The following TRAPPC8 variants were observed in gnomAD, a reference collection of about 807,000 sequenced individuals.
The protein encoded by TRAPPC8 is trafficking protein particle complex subunit 8.
TRAPPC8 carries 54 observed loss-of-function variants against 174.3 expected under a neutral mutation model. The observed-to-expected ratio is 0.31, with a 90% CI of 0.25 to 0.39. The LOEUF (loss-of-function observed/expected upper bound fraction) is 0.39, where lower values mean the gene tolerates loss of function less well. Ranked by LOEUF, TRAPPC8 falls within the 10% of genes least tolerant of loss-of-function variation. TRAPPC8 has a pLI of 1.00. For missense variants in TRAPPC8, 1,531 were observed against 1,699.1 expected, an observed-to-expected ratio of 0.90 and a Z score of 1.74; for synonymous variants, 630 against 579.9, an observed-to-expected ratio of 1.09 and a Z score of -1.24.
At chr18:31,941,505 A>G (rs1315967249) in intron 1 of TRAPPC8, among the ~76,000 whole-genome samples, 1 of 152,202 alleles carries the variant, frequency 6.6e-6, no homozygotes, top group African/African-American at 2.4e-5. Context: ...GTTGCTCTTA[A>G]GTCCAACACT....
rs192692125 is a variant in TRAPPC8, at chr18:31,903,282, C to T, written c.1390-2257G>A. On this transcript the variant is annotated intron_variant, in intron 9 of 28. Transcript: ENST00000283351. The stretch of plus-strand genomic sequence containing the variant: ...ACGACAAGAATGATTTAGGGTTGTA[C>T]TTTCAGAAGAATTATCTACGACAGT... Among the ~76,000 whole-genome samples, 479 of 152,198 alleles carry T rather than the reference C, an allele frequency of 3.1e-3. 2 individuals carry two copies. Among genetic ancestry groups the T allele is most frequent in the African/African-American group, 8.8e-3 (366 of 41,520 alleles).
At chr18:31,864,911 GA>G in intron 18 of TRAPPC8, 130 bp from the exon 19 acceptor site, 2 of 799,332 alleles carry the variant, frequency 2.5e-6, no homozygotes, top group Non-Finnish European at 3.8e-6. Context: ...TGATTAACAT[GA>G]TTAATCAAAG....
chr18:31,877,086 A>AG (rs1347581260), intron 12 of TRAPPC8, among the ~76,000 whole-genome samples: 1 of 152,168 alleles, frequency 6.6e-6, no homozygotes. Flanking sequence ...CCCTAGGGGA[A>AG]GGGGGGACAG....
intron 1 of TRAPPC8, among the ~76,000 whole-genome samples, chr18:31,932,438 A>C (rs150804673): frequency 0.06 from 9,010 of 151,370 alleles, 269 homozygotes; most frequent in Middle Eastern, 0.11. Flanking sequence ...AAAAAAAAAA[A>C]AACAACAACA....
intron 11 of TRAPPC8, among the ~76,000 whole-genome samples, chr18:31,892,161 G>C (rs192394144): frequency 2.0e-5 from 3 of 152,194 alleles, no homozygotes; most frequent in East Asian, 3.9e-4. Flanking sequence ...ATACATGTTT[G>C]AAGAAAAAAG....
intron 12 of TRAPPC8, among the ~76,000 whole-genome samples, chr18:31,877,018 A>G (rs952447281): frequency 1.3e-5 from 2 of 152,222 alleles, no homozygotes; most frequent in Non-Finnish European, 2.9e-5. Flanking sequence ...TTAGGAGACC[A>G]GTGGGTCCCC....
chr18:31,863,836 T>A (rs148684872), intron 19 of TRAPPC8, among the ~76,000 whole-genome samples: 1 of 151,978 alleles, frequency 6.6e-6, no homozygotes, highest in Non-Finnish European at 1.5e-5. Flanking sequence ...AACTTGAAAT[T>A]TGAAGTGGCT....
In TRAPPC8 at chr18:31,917,700, T is replaced by C. The variant is rs1463543083; in HGVS notation, c.353-33A>G. The C allele has an allele frequency of 2.5e-6, 4 of 1,569,352 alleles. No individual in the cohort carries two copies. In the South Asian group the frequency reaches 3.4e-5, roughly 13 times the overall value. Reference sequence around the variant, plus strand: ...TAACAATATACAAAACAGTTAAAAGTATTCAATAGAATCAGTTTACAACAG... The same window carrying C: ...TAACAATATACAAAACAGTTAAAAGCATTCAATAGAATCAGTTTACAACAG... On this transcript the variant is annotated intron_variant, in intron 2 of 28. Coordinates refer to ENST00000283351, the MANE Select transcript of TRAPPC8 (RefSeq NM_014939.5).
chr18:31,865,663 T>C (rs1288997652), intron 18 of TRAPPC8, among the ~76,000 whole-genome samples: 2 of 151,892 alleles, frequency 1.3e-5, no homozygotes. Flanking sequence ...CAACTACCTA[T>C]ATTTTACTGA....
intron 1 of TRAPPC8, among the ~76,000 whole-genome samples, chr18:31,935,529 CA>C (rs1178412434): frequency 1.4e-5 from 1 of 71,562 alleles, no homozygotes; most frequent in Non-Finnish European, 2.5e-5. Flanking sequence ...GCCTGGGCAA[CA>C]AGAGCGAAAC....
intron 1 of TRAPPC8, among the ~76,000 whole-genome samples, chr18:31,936,748 G>T (rs185969992): frequency 6.7e-6 from 1 of 149,666 alleles, no homozygotes; most frequent in Non-Finnish European, 1.5e-5. Flanking sequence ...CTAACAACAC[G>T]AAAATTAGCC....
intron 27 of TRAPPC8, chr18:31,833,148 G>C (rs2032478191): frequency 6.6e-6 from 1 of 152,200 alleles, no homozygotes. Flanking sequence ...TACTGGGTAG[G>C]TGTCCAGTCA....
intron 16 of TRAPPC8, among the ~76,000 whole-genome samples, chr18:31,868,523 A>T (rs2034692858): frequency 6.6e-6 from 1 of 152,220 alleles, no homozygotes; most frequent in Non-Finnish European, 1.5e-5. Flanking sequence ...CATACTGAGT[A>T]TTCCAGGCAC....
intron 12 of TRAPPC8, among the ~76,000 whole-genome samples, chr18:31,879,121 A>AT (rs1192334420): frequency 6.6e-6 from 1 of 152,180 alleles, no homozygotes; most frequent in East Asian, 1.9e-4. Flanking sequence ...TTTTGACCAA[A>AT]TGGACCTAAT....
intron 27 of TRAPPC8, among the ~76,000 whole-genome samples, chr18:31,834,113 G>GTTGTTT (rs1275489297): frequency 7.0e-6 from 1 of 142,672 alleles, no homozygotes; most frequent in East Asian, 2.3e-4. Context: ...TGTTGTTGTT[G>GTTGTTT]TTTTTTATTC....
Position 31,857,834 on chromosome 18 carries a change from G to T in TRAPPC8, c.2894C>A (p.Ala965Asp). ...TGAGGGACTTAGTGGTGTTAGAACA[G>T]CAGTATTACCACCGAAAGTAAAGAA... The part of the protein sequence containing the change: ...PEFFTFGGNT[A>D]VLTPLSPSAS... Residue 965 changes from alanine (A) to aspartate (D), a missense_variant, in exon 20 of 29, where the codon GCT becomes GAT. Physicochemically the swap from Ala to Asp is moderately radical, Grantham distance 126 (BLOSUM62 -2). Transcript: ENST00000283351. The T allele has an allele frequency of 1.2e-6, 2 of 1,614,166 alleles. No homozygotes were observed. The highest frequency in any genetic ancestry group is 1.7e-6 in the Non-Finnish European group (2 of 1,180,032).
At chr18:31,917,775 A>T in intron 2 of TRAPPC8, 108 bp from the exon 3 acceptor site, 1 of 914,748 alleles carries the variant, frequency 1.1e-6, no homozygotes, top group Non-Finnish European at 1.7e-6. Flanking sequence ...AAAATTTCTA[A>T]CAGTAAACAA....
Position 31,918,094 on chromosome 18 carries a change from C to T in TRAPPC8, c.353-427G>A, listed in dbSNP as rs144969276. Among the ~76,000 whole-genome samples, 724 of 152,132 alleles carry T rather than the reference C, an allele frequency of 4.8e-3. 1 individual carries two copies. Among genetic ancestry groups the T allele is most frequent in the African/African-American group, 0.017 (693 of 41,514 alleles). ...TGAGCTGAAATCACACCACTGCACT[C>T]CAGCCTGGGTGACAGAATGAGACTC... is the stretch of plus-strand genomic sequence containing the variant. On this transcript the variant is annotated intron_variant, in intron 2 of 28. Coordinates refer to ENST00000283351, the MANE Select transcript of TRAPPC8 (RefSeq NM_014939.5).
rs550723771 is a variant in TRAPPC8 at position 31,924,542 on chromosome 18, C to T, written c.352+6787G>A. ...TTGGGAGGCCAAGGCAGGTGGATCA[C>T]TTGAGTCCAGGAGTTCAAGACCAGC... On this transcript the variant is annotated intron_variant, in intron 2 of 28. Coordinates refer to ENST00000283351, the MANE Select transcript of TRAPPC8 (RefSeq NM_014939.5). Among the ~76,000 whole-genome samples the T allele has an allele frequency of 3.3e-5, 5 of 151,408 alleles. No individual in the cohort carries two copies. The East Asian group carries it at 9.7e-4, about 30-fold the overall frequency.
Sources: gnomAD v4.1 joint callset for allele counts (sites outside exome capture counted in the v4.1 genomes callset) on GRCh38, gnomAD v4.1.1 for gene constraint, MANE v1.5 for transcripts, NCBI Gene and HGNC (gene_info 2026-07-23, HGNC 2026-07-21) for gene names.